Variants in USP34 observed in about 807,000 individuals in gnomAD.
The protein encoded by USP34 is ubiquitin carboxyl-terminal hydrolase 34.
In USP34, 70 loss-of-function variants were observed where a neutral mutation model predicts 460.3. The ratio of observed to expected loss-of-function variants is 0.15; its 90% CI spans 0.13 to 0.19. The LOEUF is 0.19. Ranked by LOEUF, USP34 falls within the 10% of genes least tolerant of loss-of-function variation. The pLI is 1.00. For synonymous variants in USP34, 1,647 were observed against 1,405.3 expected, an observed-to-expected ratio of 1.17 and a Z score of -3.85; for missense variants, 3,985 against 4,236.2, an observed-to-expected ratio of 0.94 and a Z score of 1.65.
At chr2:61,389,308 A>G (rs1693269865) in intron 5 of USP34, among the ~76,000 whole-genome samples, 1 of 152,188 alleles carries the variant, frequency 6.6e-6, no homozygotes, top group Admixed American at 6.6e-5. Flanking sequence ...ACTGAGCCAC[A>G]TGTTATCACT....
chr2:61,306,375 G>C (rs1690404445), intron 27 of USP34, among the ~76,000 whole-genome samples: 1 of 152,126 alleles, frequency 6.6e-6, no homozygotes, highest in Non-Finnish European at 1.5e-5. Context: ...AGAACAGATG[G>C]TTGTAGATGT....
At chr2:61,266,362 T>C (rs1217180242) in intron 41 of USP34, among the ~76,000 whole-genome samples, 195 bp from the exon 42 acceptor site, 1 of 152,170 alleles carries the variant, frequency 6.6e-6, no homozygotes, top group Non-Finnish European at 1.5e-5. Flanking sequence ...ACTTTTACTC[T>C]TCTCTCCTTT....
intron 41 of USP34, among the ~76,000 whole-genome samples, chr2:61,267,511 C>T (rs1487265636): frequency 1.3e-5 from 2 of 150,960 alleles, no homozygotes; most frequent in Admixed American, 6.6e-5. Flanking sequence ...GGCACAATCT[C>T]GGCTCACTGC....
At chr2:61,383,678 C>T (rs1693046945) in intron 5 of USP34, among the ~76,000 whole-genome samples, 1 of 152,120 alleles carries the variant, frequency 6.6e-6, no homozygotes, top group Non-Finnish European at 1.5e-5. Flanking sequence ...CGAGATTGTG[C>T]CACTGCACTC....
In USP34 at chr2:61,236,355, T is replaced by C. The variant is rs777935562; in HGVS notation, c.6812A>G (p.Asp2271Gly). 4.4e-6 allele frequency: 7 copies of C among 1,604,920 alleles called. No individual in the cohort carries two copies. The highest frequency in any genetic ancestry group is 4.2e-6 in the Non-Finnish European group (5 of 1,176,542). ...IWHDNMQFLQDKNIFEHTYFG... is the reference protein window; with the variant it reads ...IWHDNMQFLQGKNIFEHTYFG... ...ATATGTATGTTCAAAAATGTTTTTG[T>C]CTTGAAGAAACTGCATGTTATCATG... The change falls in exon 54 of 80, where the codon GAC becomes GGC. Residue 2271 changes from aspartate (D) to glycine (G), a missense_variant. By Grantham distance (94) the Asp-to-Gly change is moderately conservative (BLOSUM62 -1). This residue lies in a region of USP34 where 604 missense variants were observed against 684.8 expected (regional missense o/e 0.88). Coordinates refer to ENST00000398571, the MANE Select transcript of USP34 (RefSeq NM_014709.4).
intron 43 of USP34, among the ~76,000 whole-genome samples, chr2:61,263,151 G>A (rs985921474): frequency 1.3e-5 from 2 of 148,278 alleles, no homozygotes; most frequent in African/African-American, 5.0e-5. Context: ...TGGGACTACA[G>A]GCACGCACCA....
intron 36 of USP34, 39 bp from the exon 37 acceptor site, chr2:61,283,308 T>G (rs1424446425): frequency 6.3e-7 from 1 of 1,595,560 alleles, no homozygotes; most frequent in African/African-American, 1.4e-5. Context: ...ATAAAAGGTT[T>G]GTGCTAAAAT....
intron 1 of USP34, among the ~76,000 whole-genome samples, chr2:61,429,543 C>T (rs1694606594): frequency 6.6e-6 from 1 of 152,136 alleles, no homozygotes; most frequent in African/African-American, 2.4e-5. Flanking sequence ...GAATGAGTTG[C>T]TTAAGCACAG....
chr2:61,228,799 C>CA, intron 60 of USP34, 28 bp downstream of exon 60: 5 of 1,583,700 alleles, frequency 3.2e-6, no homozygotes, highest in East Asian at 2.2e-5. Context: ...GGTAGATAAT[C>CA]AAAAAAATAG....
chr2:61,208,870 T>C lies in USP34; in HGVS notation c.8919+29A>G, dbSNP rs528358540. 2.6e-5 allele frequency: 38 copies of C among 1,474,448 alleles called. No homozygotes were observed. The African/African-American group carries it at 5.1e-4, about 20-fold the overall frequency. The allele number at this position is 1,474,448 out of a possible 1,614,324, so 91.3% of individuals were successfully genotyped here. A position where few individuals can be genotyped will look rare whatever the true frequency, so the allele number is the denominator to read the frequency against. On this transcript the variant is annotated intron_variant, in intron 70 of 79. Transcript: ENST00000398571. The stretch of plus-strand genomic sequence containing the variant: ...GTGAGAACATTAAAATGAGATAATA[T>C]CCACAGTAAAATGCAATAGAATATT...
At chr2:61,437,513 C>T (rs926768509) in intron 1 of USP34, among the ~76,000 whole-genome samples, 3 of 152,098 alleles carry the variant, frequency 2.0e-5, no homozygotes, top group East Asian at 1.9e-4. Context: ...GTGGCTCATG[C>T]CTGTAATCCC....
chr2:61,393,591 T>C (rs751750042), intron 5 of USP34, among the ~76,000 whole-genome samples: 8 of 152,186 alleles, frequency 5.3e-5, no homozygotes, highest in Non-Finnish European at 1.0e-4. Flanking sequence ...GTTTCCAATG[T>C]ACCGCATCAC....
intron 28 of USP34, 44 bp from the exon 29 acceptor site, chr2:61,301,204 G>A (rs757525300): frequency 1.3e-6 from 2 of 1,558,734 alleles, no homozygotes; most frequent in East Asian, 4.5e-5. Context: ...CAAGCTTTTA[G>A]TTTAATAAAA....
At chr2:61,443,822 T>A (rs186837424) in intron 1 of USP34, among the ~76,000 whole-genome samples, 10 of 152,196 alleles carry the variant, frequency 6.6e-5, no homozygotes, top group Non-Finnish European at 1.3e-4. Context: ...CATAATGATA[T>A]GTTAACGTAG....
At chr2:61,271,887 A>G (rs1173010832) in intron 41 of USP34, among the ~76,000 whole-genome samples, 1 of 152,260 alleles carries the variant, frequency 6.6e-6, no homozygotes, top group Non-Finnish European at 1.5e-5. Flanking sequence ...AAAAATCATT[A>G]GAGTGGAAGA....
At chr2:61,363,796 A>C (rs888140271) in intron 10 of USP34, among the ~76,000 whole-genome samples, 1 of 152,224 alleles carries the variant, frequency 6.6e-6, no homozygotes, top group South Asian at 2.1e-4. Flanking sequence ...CAAAAGGTGG[A>C]AACAACCCAA....
chr2:61,451,235 A>AAAAAAAAAAAAAAAAAAG (rs1695266173), intron 1 of USP34, among the ~76,000 whole-genome samples: 1 of 141,020 alleles, frequency 7.1e-6, no homozygotes, highest in Non-Finnish European at 1.6e-5. Flanking sequence ...AAAAAAAAAA[A>AAAAAAAAAAAAAAAAAAG]AAAAAAAAAA....
At chr2:61,188,761 C>G (rs771390663) in intron 79 of USP34, 52 bp from the exon 80 acceptor site, 3 of 1,583,960 alleles carry the variant, frequency 1.9e-6, no homozygotes, top group Non-Finnish European at 2.6e-6. Flanking sequence ...ATTAAGATCA[C>G]GTTAGGGGGG....
At chr2:61,369,399 C>A (rs776872149) in intron 10 of USP34, among the ~76,000 whole-genome samples, 40 of 152,082 alleles carry the variant, frequency 2.6e-4, no homozygotes, top group Non-Finnish European at 5.1e-4. Flanking sequence ...AATCCCAGCA[C>A]ACTGGGAGGC....
Sources: allele counts gnomAD v4.1 joint callset (sites outside exome capture counted in the v4.1 genomes callset), GRCh38; gene constraint gnomAD v4.1.1; regional missense constraint gnomAD v4.1.1; transcripts MANE v1.5; gene names NCBI Gene and HGNC (gene_info 2026-07-23, HGNC 2026-07-21).